Variants in CTNNA2 observed in about 807,000 individuals in gnomAD.
CTNNA2 encodes the protein catenin alpha-2.
Under a neutral mutation model 101.0 loss-of-function variants are expected in CTNNA2, and 42 were observed. The ratio of observed to expected loss-of-function variants is 0.42; its 90% CI spans 0.32 to 0.54. CTNNA2 has a LOEUF of 0.54. Ranked by LOEUF, CTNNA2 falls within the 20% of genes least tolerant of loss-of-function variation. CTNNA2 has a pLI of 0.14. For missense variants in CTNNA2, 871 were observed against 1,223.1 expected, an observed-to-expected ratio of 0.71 and a Z score of 4.29; for synonymous variants, 450 against 456.4, an observed-to-expected ratio of 0.99 and a Z score of 0.18.
chr2:79,322,889 C>T (rs906567145), intron 3 of CTNNA2, among the ~76,000 whole-genome samples: 1 of 152,184 alleles, frequency 6.6e-6, no homozygotes, highest in Admixed American at 6.5e-5. Context: ...GCCCATTTCC[C>T]TGTGGCTTTC....
intron 7 of CTNNA2, among the ~76,000 whole-genome samples, chr2:80,323,302 C>T (rs763510068): frequency 6.6e-6 from 1 of 152,172 alleles, no homozygotes; most frequent in South Asian, 2.1e-4. Context: ...CGTTTTGAGG[C>T]GGTCTCCCTA....
intron 7 of CTNNA2, among the ~76,000 whole-genome samples, chr2:79,957,680 G>T (rs1689334892): frequency 6.6e-6 from 1 of 152,088 alleles, no homozygotes; most frequent in Non-Finnish European, 1.5e-5. Flanking sequence ...AAAGTGTCTT[G>T]AACCACCTGC....
chr2:80,447,735 C>T (rs916614141), intron 9 of CTNNA2, among the ~76,000 whole-genome samples: 1 of 151,690 alleles, frequency 6.6e-6, no homozygotes, highest in Non-Finnish European at 1.5e-5. Flanking sequence ...CTTGATGTAC[C>T]CAACCTTTCA....
intron 18 of CTNNA2, among the ~76,000 whole-genome samples, chr2:80,631,716 T>C (rs1269261887): frequency 6.6e-6 from 1 of 152,172 alleles, no homozygotes; most frequent in African/African-American, 2.4e-5. Context: ...TCATCTTTTA[T>C]TTAAAGGCAG....
At chr2:79,197,744 A>G (rs1673980237) in intron 1 of CTNNA2, among the ~76,000 whole-genome samples, 1 of 152,044 alleles carries the variant, frequency 6.6e-6, no homozygotes, top group South Asian at 2.1e-4. Context: ...CGTGGGTTTT[A>G]CTTATGTGAT....
Position 79,874,242 on chromosome 2 carries a change from T to C in CTNNA2, c.752T>C (p.Ile251Thr). 6.2e-7 allele frequency: 1 copy of C among 1,614,086 alleles called. No homozygotes were observed. Among genetic ancestry groups the C allele is most frequent in the Non-Finnish European group, 8.5e-7 (1 of 1,180,030 alleles). ...DYVFKQVQEA[I>T]AGISNAAQAT... ...GTGTTCAAACAAGTCCAGGAGGCCA[T>C]CGCCGGCATCTCCAATGCTGCTCAA... Residue 251 changes from isoleucine (I) to threonine (T), a missense_variant, in exon 6 of 19, where the codon ATC (isoleucine) becomes ACC (threonine). Around this residue, in one of 5 missense-constraint regions of CTNNA2, gnomAD observed 647 missense variants for 831.5 expected, o/e 0.78. Transcript: ENST00000402739.
chr2:80,340,971 C>T (rs1186501335), intron 7 of CTNNA2, among the ~76,000 whole-genome samples: 1 of 152,112 alleles, frequency 6.6e-6, no homozygotes, highest in African/African-American at 2.4e-5. Flanking sequence ...AGGCATTTAA[C>T]TTAACTTTAC....
chr2:80,465,293 A>G (rs182657293), intron 9 of CTNNA2, among the ~76,000 whole-genome samples: 1 of 152,342 alleles, frequency 6.6e-6, no homozygotes. Context: ...GTCTTAATAC[A>G]TATGTGCTTG....
At position 80,276,095 on chromosome 2, in the gene CTNNA2, G is replaced by A. The variant is rs1673879195; in HGVS notation, c.1057-117116G>A. On this transcript the variant is annotated intron_variant, in intron 7 of 18. Coordinates refer to ENST00000402739, the MANE Select transcript of CTNNA2 (RefSeq NM_001282597.3). Reference sequence around the variant, plus strand: ...CATATATATTTAATATAACTTGTTGGAATTATTTTTCTGATACAGGAAGAG... The same window carrying A: ...CATATATATTTAATATAACTTGTTGAAATTATTTTTCTGATACAGGAAGAG... Among the ~76,000 whole-genome samples the A allele has an allele frequency of 1.3e-5, 2 of 152,134 alleles. 1 individual carries two copies. The highest frequency in any genetic ancestry group is 4.1e-4 in the South Asian group (2 of 4,830).
intron 7 of CTNNA2, among the ~76,000 whole-genome samples, chr2:80,358,281 T>A (rs992419676): frequency 1.3e-5 from 2 of 151,790 alleles, no homozygotes; most frequent in African/African-American, 4.8e-5. Flanking sequence ...TGGCATGTAA[T>A]AGATATCAAA....
chr2:79,464,195 A>C (rs1281432080), intron 4 of CTNNA2, among the ~76,000 whole-genome samples: 4 of 152,118 alleles, frequency 2.6e-5, no homozygotes, highest in African/African-American at 7.2e-5. Context: ...AAGTATTCTA[A>C]GTGTTCAATT....
chr2:79,368,268 T>C (rs2167391), intron 3 of CTNNA2, among the ~76,000 whole-genome samples: 120,165 of 152,224 alleles, frequency 0.79, 47,904 homozygotes, highest in East Asian at 0.96. Context: ...CAACTAGCAC[T>C]TCCCTCTATC....
intron 7 of CTNNA2, among the ~76,000 whole-genome samples, chr2:80,070,299 A>T (rs921532821): frequency 1.1e-4 from 16 of 152,332 alleles, no homozygotes; most frequent in African/African-American, 3.6e-4. Context: ...TGGTTTCCAA[A>T]AATGTTCTAT....
intron 1 of CTNNA2, among the ~76,000 whole-genome samples, chr2:79,517,063 G>T (rs1209941398): frequency 6.6e-6 from 1 of 152,128 alleles, no homozygotes; most frequent in African/African-American, 2.4e-5. Context: ...AGACTAATGT[G>T]TGATGAGGAT....
chr2:79,852,373 T>C (rs1331352937), intron 3 of CTNNA2, among the ~76,000 whole-genome samples: 2 of 152,206 alleles, frequency 1.3e-5, no homozygotes, highest in African/African-American at 4.8e-5. Flanking sequence ...ATGGAAGGTA[T>C]AGGAAATACA....
intron 3 of CTNNA2, among the ~76,000 whole-genome samples, chr2:79,762,006 A>G (rs936059505): frequency 2.6e-5 from 4 of 152,158 alleles, no homozygotes; most frequent in South Asian, 2.1e-4. Flanking sequence ...TGAGAGCCCC[A>G]TTGTATTCTG....
intron 7 of CTNNA2, chr2:80,299,787 G>A (rs889844974): frequency 6.6e-6 from 1 of 152,190 alleles, no homozygotes; most frequent in African/African-American, 2.4e-5. Flanking sequence ...GAGGGGACTT[G>A]TGGTTCTGAT....
chr2:79,429,950 C>T (rs1269623876), intron 4 of CTNNA2, among the ~76,000 whole-genome samples: 2 of 152,076 alleles, frequency 1.3e-5, no homozygotes, highest in Admixed American at 6.6e-5. Context: ...GCAGTAGTAA[C>T]ATCTTTAATA....
chr2:80,365,076 C>G (rs1674794008), intron 7 of CTNNA2, among the ~76,000 whole-genome samples: 1 of 152,098 alleles, frequency 6.6e-6, no homozygotes, highest in Non-Finnish European at 1.5e-5. Context: ...ACCTGCATAC[C>G]TGGCCTTGTG....
Sources: gnomAD v4.1 joint callset for allele counts (sites outside exome capture counted in the v4.1 genomes callset) on GRCh38, gnomAD v4.1.1 for gene constraint, gnomAD v4.1.1 regional missense constraint, MANE v1.5 for transcripts, NCBI Gene and HGNC (gene_info 2026-07-23, HGNC 2026-07-21) for gene names.